The following TNIP3 variants were observed in gnomAD, a reference collection of about 807,000 sequenced individuals.
TNIP3 encodes the protein TNFAIP3-interacting protein 3.
A neutral mutation model predicts 54.1 loss-of-function variants in TNIP3; 34 were observed. The observed-to-expected ratio is 0.63, with a 90% confidence interval of 0.48 to 0.84. The LOEUF (loss-of-function observed/expected upper bound fraction) is 0.84, where lower values mean the gene tolerates loss of function less well. TNIP3 is among the 40% of genes least tolerant of loss of function. The pLI, the probability that TNIP3 is intolerant of heterozygous loss-of-function variation, is 0.00. For synonymous variants in TNIP3, 134 were observed against 136.8 expected (o/e 0.98, Z 0.14); for missense variants, 366 against 387.6 (o/e 0.94, Z 0.47).
upstream of TNIP3, among the ~76,000 whole-genome samples, chr4:121,168,911 C>T (rs1730920602): frequency 6.6e-6 from 1 of 152,126 alleles, no homozygotes; most frequent in Non-Finnish European, 1.5e-5. Flanking sequence ...AACCTAGTTC[C>T]ACCACTTGCT....
chr4:121,196,488 G>C (rs911748737), intron 2 of TNIP3, among the ~76,000 whole-genome samples: 16 of 152,032 alleles, frequency 1.1e-4, no homozygotes, highest in Non-Finnish European at 2.4e-4. Flanking sequence ...TTGTGTGGTT[G>C]ACTATGTAAT....
chr4:121,147,329 T>C (rs1031700814), intron 6 of TNIP3, among the ~76,000 whole-genome samples, 155 bp from the exon 7 acceptor site: 2 of 152,230 alleles, frequency 1.3e-5, no homozygotes, highest in Non-Finnish European at 1.5e-5. Context: ...CATCCATCCC[T>C]AACACAAGGG....
At chr4:121,142,081 C>T (rs112560682) in intron 8 of TNIP3, among the ~76,000 whole-genome samples, 167 bp from the exon 9 acceptor site, 18 of 152,224 alleles carry the variant, frequency 1.2e-4, no homozygotes, top group South Asian at 1.0e-3. Flanking sequence ...CCAATACAAA[C>T]GAGGCTCACA....
intron 3 of TNIP3, among the ~76,000 whole-genome samples, chr4:121,180,874 C>T (rs757271840): frequency 3.3e-5 from 5 of 152,212 alleles, no homozygotes; most frequent in African/African-American, 4.8e-5. Flanking sequence ...CCCCAATTCC[C>T]TTAAGCCTTG....
intron 1 of TNIP3, among the ~76,000 whole-genome samples, chr4:121,226,512 T>C (rs1727264676): frequency 6.6e-6 from 1 of 152,246 alleles, no homozygotes. Context: ...GCAGTGCCAC[T>C]TGAAAGGACA....
intron 2 of TNIP3, among the ~76,000 whole-genome samples, chr4:121,187,279 G>T (rs909808390): frequency 1.3e-5 from 2 of 152,176 alleles, no homozygotes. Context: ...TGGGTACATA[G>T]TTGTTCCCAC....
intron 2 of TNIP3, among the ~76,000 whole-genome samples, chr4:121,158,984 G>A (rs1730280154): frequency 6.6e-6 from 1 of 152,196 alleles, no homozygotes; most frequent in African/African-American, 2.4e-5. Flanking sequence ...GCTCACGCCT[G>A]TAATCCCACC....
intron 5 of TNIP3, among the ~76,000 whole-genome samples, chr4:121,150,689 G>T (rs540697056): frequency 2.0e-5 from 3 of 152,306 alleles, no homozygotes; most frequent in South Asian, 2.1e-4. Flanking sequence ...TCAGAAGCTG[G>T]TGCTGCTGGT....
At chr4:121,227,281 T>C (rs1357587312) in intron 1 of TNIP3, 2 of 1,041,206 alleles carry the variant, frequency 1.9e-6, no homozygotes, top group Non-Finnish European at 2.8e-6. Context: ...TATATGTCTT[T>C]TTAATATGAG....
At chr4:121,144,605 T>C (rs1729323383) in intron 7 of TNIP3, among the ~76,000 whole-genome samples, 1 of 152,188 alleles carries the variant, frequency 6.6e-6, no homozygotes, top group Non-Finnish European at 1.5e-5. Context: ...TTTCGCCATT[T>C]TGGCCAGGCT....
chr4:121,192,989 C>T (rs1053844554), intron 2 of TNIP3: 4 of 152,064 alleles, frequency 2.6e-5, no homozygotes, highest in Non-Finnish European at 5.9e-5. Context: ...AATAACTTTC[C>T]TCGTATATGC....
chr4:121,167,659 C>A (rs553347190), upstream of TNIP3, among the ~76,000 whole-genome samples: 3 of 152,168 alleles, frequency 2.0e-5, no homozygotes, highest in South Asian at 6.3e-4. Flanking sequence ...GACCTTTGGG[C>A]AAAGGAATTA....
At chr4:121,171,919 G>A (rs889358086) in intron 3 of TNIP3, among the ~76,000 whole-genome samples, 1 of 152,008 alleles carries the variant, frequency 6.6e-6, no homozygotes, top group Non-Finnish European at 1.5e-5. Context: ...TTTTAGTAGA[G>A]ATGGGGTTTC....
intron 9 of TNIP3, among the ~76,000 whole-genome samples, chr4:121,138,932 T>G (rs994442930): frequency 1.3e-4 from 20 of 152,210 alleles, no homozygotes; most frequent in African/African-American, 3.9e-4. Flanking sequence ...ACATATTTTC[T>G]TTCTTTTTTT....
intron 3 of TNIP3, among the ~76,000 whole-genome samples, chr4:121,175,939 G>A (rs1724301831): frequency 6.6e-6 from 1 of 152,134 alleles, no homozygotes; most frequent in African/African-American, 2.4e-5. Flanking sequence ...AGTTCAAGCT[G>A]GGCATATGCA....
chr4:121,163,051 A>T (rs1434991653), intron 1 of TNIP3, among the ~76,000 whole-genome samples: 1 of 152,204 alleles, frequency 6.6e-6, no homozygotes, highest in Non-Finnish European at 1.5e-5. Flanking sequence ...ATAAATAAAA[A>T]TTACTGAAAA....
At position 121,147,161 on chromosome 4, in the gene TNIP3, T is replaced by G. The variant is rs75386686; in HGVS notation, c.623A>C (p.Glu208Ala). The change falls in exon 7 of 11, where the codon GAA becomes GCA. Residue 208 changes from glutamate (E) to alanine (A), a missense_variant. Glu to Ala is a moderately radical substitution (Grantham distance 107). Transcript: ENST00000057513. ...EVLKQQVQIY[E>A]EDFKKERSDR... is the part of the protein sequence containing the mutation. ...CGATCGTTCCTTTTTGAAGTCTTCT[T>G]CGTATATTTGCACCTAAGAAATATT... 0.025 allele frequency: 40,691 copies of G among 1,611,060 alleles called. 655 individuals are homozygous for G. Among genetic ancestry groups the G allele is most frequent in the Admixed American group, 0.048 (2,882 of 59,646 alleles).
chr4:121,133,851 C>T (rs1017178558), intron 10 of TNIP3, among the ~76,000 whole-genome samples: 1 of 151,926 alleles, frequency 6.6e-6, no homozygotes, highest in Non-Finnish European at 1.5e-5. Context: ...AAGACCGAGG[C>T]AGAGATTGCA....
At chr4:121,149,076 G>A (rs866114250) in intron 6 of TNIP3, among the ~76,000 whole-genome samples, 5 of 152,194 alleles carry the variant, frequency 3.3e-5, no homozygotes, top group African/African-American at 1.2e-4. Context: ...TGATATGCAT[G>A]GTCGGCCCCT....
Sources: gnomAD v4.1 joint callset for allele counts (sites outside exome capture counted in the v4.1 genomes callset) on GRCh38, gnomAD v4.1.1 for gene constraint, MANE v1.5 for transcripts, NCBI Gene and HGNC (gene_info 2026-07-23, HGNC 2026-07-21) for gene names.